The following TRIM67 variants were observed in gnomAD, a reference collection of about 807,000 sequenced individuals.
TRIM67 encodes tripartite motif-containing protein 67.
TRIM67 carries 39 observed loss-of-function variants against 71.0 expected under a neutral mutation model. The ratio of observed to expected loss-of-function variants is 0.55; its 90% CI spans 0.43 to 0.72. The LOEUF is 0.72. TRIM67 is among the 30% of genes least tolerant of loss of function. TRIM67 has a pLI of 0.00. For synonymous variants in TRIM67, 481 were observed against 473.9 expected, an observed-to-expected ratio of 1.01 and a Z score of -0.19; for missense variants, 973 against 1,079.2, an observed-to-expected ratio of 0.90 and a Z score of 1.38.
intron 1 of TRIM67, among the ~76,000 whole-genome samples, chr1:231,167,780 A>G (rs1202687707): frequency 1.3e-5 from 2 of 152,096 alleles, no homozygotes; most frequent in African/African-American, 4.8e-5. Flanking sequence ...AGGCTCTGCC[A>G]AAGGGCAGGT....
At chr1:231,194,754 C>T (rs1683320548) in intron 1 of TRIM67, among the ~76,000 whole-genome samples, 1 of 152,174 alleles carries the variant, frequency 6.6e-6, no homozygotes, top group African/African-American at 2.4e-5. Context: ...ATAATCATAA[C>T]TCACTGTAAC....
intron 1 of TRIM67, among the ~76,000 whole-genome samples, chr1:231,189,607 G>A (rs2102737745): frequency 6.6e-6 from 1 of 152,290 alleles, no homozygotes; most frequent in Middle Eastern, 3.4e-3. Context: ...TGGAGGCTAG[G>A]AAGTCCAAGA....
At position 231,213,285 on chromosome 1, in the gene TRIM67, C is replaced by G. The variant is rs532581849; in HGVS notation, c.2124-530C>G. ...ATGCTGTCAGAAAGAGGGGGTTGAA[C>G]AGCCTGGAGGTGTTCCTCTAGGGGA... On this transcript the variant is annotated intron_variant, in intron 8 of 9. Coordinates refer to ENST00000366653, the MANE Select transcript of TRIM67 (RefSeq NM_001004342.5). Among the ~76,000 whole-genome samples, 88 of 152,268 alleles carry G rather than the reference C, an allele frequency of 5.8e-4. 1 individual carries two copies. The highest frequency in any genetic ancestry group is 2.5e-3 in the South Asian group (12 of 4,816).
chr1:231,218,293 G>A lies in TRIM67; in HGVS notation c.*2853G>A. ...TGTACATACATATAAATGATATCAA[G>A]ATGAGGCTTTTGTTGGGCTGGCTGA... On this transcript the variant is annotated 3_prime_UTR_variant, in exon 10 of 10. Transcript: ENST00000366653. 20 of 986,562 alleles carry A rather than the reference G, an allele frequency of 2.0e-5. No homozygotes were observed. The highest frequency in any genetic ancestry group is 2.4e-5 in the Non-Finnish European group (20 of 830,686). 61.1% of individuals were successfully genotyped at this position (986,562 alleles called of 1,614,324 possible). A position where few individuals can be genotyped will look rare whatever the true frequency, so the allele number is the denominator to read the frequency against.
In TRIM67 at chr1:231,209,227, GCACTGCAACTCC is replaced by G. The variant is rs1387875369; in HGVS notation, c.2104_2115del (p.Cys702_His705del). 1 of 1,569,834 alleles carries G rather than the reference GCACTGCAACTCC, an allele frequency of 6.4e-7. No homozygotes were observed. Among genetic ancestry groups the G allele is most frequent in the South Asian group, 1.2e-5 (1 of 84,676 alleles). ...TGGACAACAACCGCAGCTGGTTCATGCACTGCAACTCCCACACCAACAGGTGCGATTGGGCCC... is the reference window on the plus strand; with the variant it reads ...TGGACAACAACCGCAGCTGGTTCATGCACACCAACAGGTGCGATTGGGCCC... On this transcript the variant is annotated inframe_deletion, in exon 8 of 10. Coordinates refer to ENST00000366653, the MANE Select transcript of TRIM67 (RefSeq NM_001004342.5). The surrounding 1 kb of genome is among the most constrained non-coding windows in gnomAD (Gnocchi z 4.1).
intron 1 of TRIM67, chr1:231,187,542 G>A (rs899409305): frequency 2.6e-6 from 4 of 1,532,674 alleles, no homozygotes; most frequent in Non-Finnish European, 2.6e-6. Context: ...CAGATAAAAA[G>A]GTGAGAGAAA....
rs1682367895 is a variant in TRIM67 at position 231,163,782 on chromosome 1, C to A, written c.813C>A (p.Ala271=). ...AEAASGPTGT[A]QGAPSGGGGC... ...CAGCCTCCGGGCCCACTGGCACCGCCCAGGGCGCCCCCAGCGGAGGCGGCG... is the reference window on the plus strand; with the variant it reads ...CAGCCTCCGGGCCCACTGGCACCGCACAGGGCGCCCCCAGCGGAGGCGGCG... Residue 271 remains alanine, a synonymous_variant, in exon 1 of 10, where the codon GCC becomes GCA. Coordinates refer to ENST00000366653, the MANE Select transcript of TRIM67 (RefSeq NM_001004342.5). The A allele has an allele frequency of 6.7e-7, 1 of 1,489,374 alleles. No homozygotes were observed. Among genetic ancestry groups the A allele is most frequent in the African/African-American group, 1.4e-5 (1 of 69,204 alleles). 92.3% of individuals were successfully genotyped at this position (1,489,374 alleles called of 1,614,324 possible). A position where few individuals can be genotyped will look rare whatever the true frequency, so the allele number is the denominator to read the frequency against.
chr1:231,206,768 T>C lies in TRIM67; in HGVS notation c.1797T>C (p.Thr599=), dbSNP rs1683713052. 5.6e-6 allele frequency: 9 copies of C among 1,608,316 alleles called. No homozygotes were observed. Among genetic ancestry groups the C allele is most frequent in the Non-Finnish European group, 6.8e-6 (8 of 1,177,586 alleles). The stretch of plus-strand genomic sequence containing the variant: ...CTGGTGTCGGGCCTTACAGTAAAAC[T>C]GTCGTCCTGCAGACATCCGATGGTG... The part of the protein sequence containing the change: ...NSSGVGPYSK[T]VVLQTSDVAW... The change falls in exon 7 of 10, where the codon ACT becomes ACC. Residue 599 remains threonine (T), a synonymous_variant. Coordinates refer to ENST00000366653, the MANE Select transcript of TRIM67 (RefSeq NM_001004342.5).
intron 1 of TRIM67, among the ~76,000 whole-genome samples, chr1:231,165,163 T>C (rs2102709059): frequency 6.6e-6 from 1 of 152,246 alleles, no homozygotes; most frequent in South Asian, 2.1e-4. Flanking sequence ...TGGAATCTAG[T>C]GGATAGAGGC....
intron 1 of TRIM67, among the ~76,000 whole-genome samples, chr1:231,181,086 C>A (rs1427380021): frequency 1.3e-5 from 2 of 152,204 alleles, no homozygotes; most frequent in Non-Finnish European, 2.9e-5. Context: ...CTGCCTCAGC[C>A]TCCCAAGTAG....
At chr1:231,186,416 C>A (rs1039029418) in intron 1 of TRIM67, among the ~76,000 whole-genome samples, 1 of 152,144 alleles carries the variant, frequency 6.6e-6, no homozygotes, top group Non-Finnish European at 1.5e-5. Flanking sequence ...GGCTTAGAAC[C>A]ACAGAAATAT....
intron 1 of TRIM67, among the ~76,000 whole-genome samples, chr1:231,176,188 G>A (rs933025862): frequency 1.3e-5 from 2 of 152,198 alleles, no homozygotes; most frequent in Non-Finnish European, 2.9e-5. Context: ...AGTGCCTCCT[G>A]TAATCCATGG....
At chr1:231,170,681 C>A (rs1682598819) in intron 1 of TRIM67, among the ~76,000 whole-genome samples, 1 of 152,190 alleles carries the variant, frequency 6.6e-6, no homozygotes, top group South Asian at 2.1e-4. Flanking sequence ...AAAGGGTCAG[C>A]AAACTGTGGC....
Position 231,163,614 on chromosome 1 carries a change from G to A in TRIM67, c.645G>A (p.Pro215=). ...TCTGCCAGCTGTGCGACCGCACCCC[G>A]CCAGAGCCAGCAGCCACGCTCTGCG... ...VAICQLCDRT[P]PEPAATLCEQ... The change falls in exon 1 of 10, where the codon CCG becomes CCA. Residue 215 remains proline (P), a synonymous_variant. Coordinates refer to ENST00000366653, the MANE Select transcript of TRIM67 (RefSeq NM_001004342.5). 3 of 1,518,248 alleles carry A rather than the reference G, an allele frequency of 2.0e-6. No homozygotes were observed. The highest frequency in any genetic ancestry group is 2.0e-5 in the Admixed American group (1 of 48,790). 94.0% of individuals were successfully genotyped at this position (1,518,248 alleles called of 1,614,324 possible). A position where few individuals can be genotyped will look rare whatever the true frequency, so the allele number is the denominator to read the frequency against.
At position 231,209,891 on chromosome 1, in the gene TRIM67, G is replaced by A. The variant is rs1040698094; in HGVS notation, c.2123+641G>A. ...AGGTCCTGGCCTGTGAAACTACTGGGACCTCTGTTAGGAGGGCAGATGGGG... is the reference window on the plus strand; with the variant it reads ...AGGTCCTGGCCTGTGAAACTACTGGAACCTCTGTTAGGAGGGCAGATGGGG... On this transcript the variant is annotated intron_variant, in intron 8 of 9. Transcript: ENST00000366653. This position sits in a 1 kb window ranked among gnomAD's most constrained non-coding sequence, Gnocchi z 4.1. Among the ~76,000 whole-genome samples, 1 of 152,172 alleles carries A rather than the reference G, an allele frequency of 6.6e-6. No individual in the cohort carries two copies. The highest frequency in any genetic ancestry group is 2.4e-5 in the African/African-American group (1 of 41,438).
chr1:231,212,425 G>A (rs1478509681), intron 8 of TRIM67, among the ~76,000 whole-genome samples: 2 of 152,196 alleles, frequency 1.3e-5, no homozygotes, highest in African/African-American at 4.8e-5. Flanking sequence ...ACTCCTTACG[G>A]AAGGGGGTTA....
At chr1:231,195,239 C>T (rs764821617) in intron 1 of TRIM67, among the ~76,000 whole-genome samples, 62 of 152,190 alleles carry the variant, frequency 4.1e-4, no homozygotes, top group Non-Finnish European at 6.2e-4. Context: ...AACCTGTGCT[C>T]TCCAGGACTA....
intron 1 of TRIM67, among the ~76,000 whole-genome samples, chr1:231,175,609 A>C (rs1682725752): frequency 6.6e-6 from 1 of 152,222 alleles, no homozygotes; most frequent in African/African-American, 2.4e-5. Context: ...CCTTGAGCTT[A>C]GCGAACCCCA....
rs192368212 is a variant in TRIM67, at chr1:231,184,798, C to T, written c.1045-12573C>T. ...GCCAGTCCCTGAACCCAGGGCCTTCCATGCACACCATCATTAAACCTTGAG... is the reference window on the plus strand; with the variant it reads ...GCCAGTCCCTGAACCCAGGGCCTTCTATGCACACCATCATTAAACCTTGAG... On this transcript the variant is annotated intron_variant, in intron 1 of 9. Transcript: ENST00000366653. 1.0e-3 allele frequency: 591 copies of T among 579,186 alleles called. 16 individuals carry two copies. The African/African-American group carries it at 0.01, about 10-fold the overall frequency. 35.9% of individuals were successfully genotyped at this position (579,186 alleles called of 1,614,324 possible). A position where few individuals can be genotyped will look rare whatever the true frequency, so the allele number is the denominator to read the frequency against.
Sources: allele counts gnomAD v4.1 joint callset (sites outside exome capture counted in the v4.1 genomes callset), GRCh38; gene constraint gnomAD v4.1.1; non-coding constraint Gnocchi (gnomAD v3.1); transcripts MANE v1.5; gene names NCBI Gene and HGNC (gene_info 2026-07-23, HGNC 2026-07-21).